DRC7: variants seen among roughly 807,000 people sequenced by gnomAD.
DRC7 encodes coiled-coil domain containing 135.
DRC7 carries 80 observed loss-of-function variants against 104.4 expected under a neutral mutation model. The observed-to-expected ratio is 0.77, with a 90% CI of 0.64 to 0.92. DRC7 has a LOEUF of 0.92. Among genes scored for constraint, DRC7 ranks in the 40% least tolerant of loss-of-function variants. The probability of loss-of-function intolerance (pLI) is 0.00; values close to 1 mark genes in which losing one functional copy is unlikely to be tolerated. For synonymous variants in DRC7, 405 were observed against 447.3 expected (o/e 0.91, Z 1.19); for missense variants, 1,034 against 1,141.1 (o/e 0.91, Z 1.35).
intron 8 of DRC7, among the ~76,000 whole-genome samples, chr16:57,712,662 GTTTTTTGTT>G (rs111922504): frequency 0.06 from 9,155 of 151,474 alleles, 563 homozygotes; most frequent in East Asian, 0.23. Context: ...ATCTAAGACT[GTTTTTTGTT>G]TTGTTTTTTT....
At position 57,726,227 on chromosome 16, in the gene DRC7, G is replaced by C; in HGVS notation, c.1918G>C (p.Val640Leu). The C allele has an allele frequency of 1.2e-6, 2 of 1,613,114 alleles. No homozygotes were observed. Among genetic ancestry groups the C allele is most frequent in the African/African-American group, 1.3e-5 (1 of 75,052 alleles). Residue 640 changes from valine to leucine, a missense_variant, in exon 14 of 19, where the codon GTG (valine) becomes CTG (leucine). Transcript: ENST00000360716. ...SKREFLRRTEVDSKGNKIIMT... is the reference protein window; with the variant it reads ...SKREFLRRTELDSKGNKIIMT... ...GCGCGAGTTCCTGCGGCGCACCGAG[G>C]TGGACAGCAAAGGCAACAAGATCAT...
chr16:57,700,453 C>T (rs995625653), intron 5 of DRC7, among the ~76,000 whole-genome samples, 183 bp downstream of exon 5: 3 of 152,088 alleles, frequency 2.0e-5, no homozygotes, highest in Non-Finnish European at 4.4e-5. Flanking sequence ...TTGAGACCAG[C>T]CTGACCAACA....
intron 7 of DRC7, among the ~76,000 whole-genome samples, chr16:57,705,978 C>A (rs1415357600): frequency 7.0e-6 from 1 of 142,554 alleles, no homozygotes; most frequent in African/African-American, 2.6e-5. Context: ...ATCCATCCTC[C>A]CACCATCCTC....
intron 4 of DRC7, among the ~76,000 whole-genome samples, chr16:57,699,307 G>T (rs557890556): frequency 6.6e-6 from 1 of 152,368 alleles, no homozygotes; most frequent in East Asian, 1.9e-4. Context: ...GGGGTTACCT[G>T]ATCAAGAGGA....
At chr16:57,724,914 G>A (rs1437025397) in intron 13 of DRC7, 79 bp downstream of exon 13, 36 of 1,195,092 alleles carry the variant, frequency 3.0e-5, no homozygotes, top group Non-Finnish European at 3.8e-5. Context: ...TGAGAGCCCT[G>A]GCTCTGGGGT....
chr16:57,700,894 G>GT (rs1391565468), intron 5 of DRC7, among the ~76,000 whole-genome samples: 1 of 152,038 alleles, frequency 6.6e-6, no homozygotes, highest in East Asian at 1.9e-4. Context: ...GGCTTTAGGT[G>GT]TTTTTTCTAG....
chr16:57,698,843 G>T lies in DRC7; in HGVS notation c.204-7G>T. 6.2e-7 allele frequency: 1 copy of T among 1,612,840 alleles called. No individual in the cohort carries two copies. The highest frequency in any genetic ancestry group is 8.5e-7 in the Non-Finnish European group (1 of 1,179,102). On this transcript the variant is annotated splice_region_variant and splice_polypyrimidine_tract_variant and intron_variant, in intron 3 of 18. Transcript: ENST00000360716. ...GCTTCCCTAATGCCATCCCTGTTGT[G>T]GCACAGGGCCTTTACCAAGGACACT...
chr16:57,728,930 A>G (rs1442176627), intron 17 of DRC7, among the ~76,000 whole-genome samples: 1 of 149,684 alleles, frequency 6.7e-6, no homozygotes, highest in Non-Finnish European at 1.5e-5. Flanking sequence ...GGGTGCATGA[A>G]CAGATGGGTG....
At chr16:57,716,585 G>C (rs1369274599) in intron 8 of DRC7, among the ~76,000 whole-genome samples, 1 of 151,094 alleles carries the variant, frequency 6.6e-6, no homozygotes, top group Admixed American at 6.6e-5. Flanking sequence ...CTTTGCCACA[G>C]TCGCTGTGAC....
chr16:57,731,529 C>T lies in DRC7; in HGVS notation c.*271C>T. On this transcript the variant is annotated 3_prime_UTR_variant, in exon 19 of 19. Transcript: ENST00000360716. ...TGTTATCTATAGCCTGGGACCACCCCCTTCCTCCCCTTGGCCTGTCGTTTG... is the reference window on the plus strand; with the variant it reads ...TGTTATCTATAGCCTGGGACCACCCTCTTCCTCCCCTTGGCCTGTCGTTTG... The T allele has an allele frequency of 2.0e-6, 1 of 496,368 alleles. No homozygotes were observed. The highest frequency in any genetic ancestry group is 2.3e-5 in the South Asian group (1 of 43,226). The allele number at this position is 496,368 out of a possible 1,614,324, so 30.7% of individuals were successfully genotyped here.
rs114377684 is a variant in DRC7, at chr16:57,707,815, G to A, written c.1077+137G>A. 135 of 715,250 alleles carry A rather than the reference G, an allele frequency of 1.9e-4. No homozygotes were observed. The African/African-American group carries it at 1.9e-3, about 10-fold the overall frequency. The allele number at this position is 715,250 out of a possible 1,614,324, so 44.3% of individuals were successfully genotyped here. On this transcript the variant is annotated intron_variant, in intron 8 of 18. Coordinates refer to ENST00000360716, the MANE Select transcript of DRC7 (RefSeq NM_001289162.2). ...GGCTTTGAACCTTCTCCATAGCTGC[G>A]TCTCCATGGCCCACTCCCTTGCCCA... is the stretch of plus-strand genomic sequence containing the variant.
chr16:57,726,177 G>A lies in DRC7; in HGVS notation c.1868G>A (p.Arg623His), dbSNP rs778818941. The A allele has an allele frequency of 1.9e-6, 3 of 1,613,248 alleles. No individual in the cohort carries two copies. Among genetic ancestry groups the A allele is most frequent in the Non-Finnish European group, 2.5e-6 (3 of 1,180,020 alleles). Residue 623 changes from arginine to histidine, a missense_variant, in exon 14 of 19, where the codon CGT becomes CAT. By Grantham distance (29) the Arg-to-His change is conservative. Coordinates refer to ENST00000360716, the MANE Select transcript of DRC7 (RefSeq NM_001289162.2). ...CGCATCCAGCTGCGCTACCACTGCC[G>A]TGAGGACCACATCACGGCCTCCAAG... Reference protein sequence around the residue: ...EERIQLRYHCREDHITASKRE... With the variant: ...EERIQLRYHCHEDHITASKRE...
chr16:57,705,201 G>A (rs1260044410), intron 7 of DRC7, among the ~76,000 whole-genome samples, 167 bp downstream of exon 7: 1 of 152,084 alleles, frequency 6.6e-6, no homozygotes, highest in African/African-American at 2.4e-5. Context: ...TCTCCCACTG[G>A]TGGTCAGCCA....
chr16:57,699,661 G>C (rs2048636190), intron 4 of DRC7, among the ~76,000 whole-genome samples: 1 of 152,138 alleles, frequency 6.6e-6, no homozygotes, highest in Admixed American at 6.5e-5. Flanking sequence ...GCTGGCCCCA[G>C]CCCAGAACCT....
chr16:57,721,809 C>T, intron 10 of DRC7, 70 bp downstream of exon 10: 1 of 1,183,034 alleles, frequency 8.5e-7, no homozygotes, highest in Non-Finnish European at 1.2e-6. Context: ...AGGTCTGCAA[C>T]AGCGAGGCAG....
At chr16:57,695,229 A>G (rs1216457713) in intron 1 of DRC7, among the ~76,000 whole-genome samples, 5 of 144,862 alleles carry the variant, frequency 3.5e-5, no homozygotes, top group African/African-American at 1.3e-4. Context: ...TTCCTTGCCC[A>G]CCACTCCCCC....
chr16:57,704,715 T>C (rs1269016332), intron 6 of DRC7, among the ~76,000 whole-genome samples, 161 bp from the exon 7 acceptor site: 8 of 152,212 alleles, frequency 5.3e-5, no homozygotes, highest in Non-Finnish European at 8.8e-5. Context: ...CCCAAGGTCA[T>C]GGAGCTGGAG....
At chr16:57,700,389 C>G in intron 5 of DRC7, 119 bp downstream of exon 5, 1 of 1,319,410 alleles carries the variant, frequency 7.6e-7, no homozygotes, top group Non-Finnish European at 1.0e-6. Context: ...TAGCTCATGC[C>G]TGTAATCCCA....
At chr16:57,701,900 G>C in intron 5 of DRC7, 36 bp from the exon 6 acceptor site, 1 of 1,587,222 alleles carries the variant, frequency 6.3e-7, no homozygotes. Flanking sequence ...TGGGGCAGCG[G>C]GGCCCCAGCT....
Sources: allele counts gnomAD v4.1 joint callset (sites outside exome capture counted in the v4.1 genomes callset), GRCh38; gene constraint gnomAD v4.1.1; transcripts MANE v1.5; gene names NCBI Gene and HGNC (gene_info 2026-07-23, HGNC 2026-07-21).